MAN1A1: variants seen among roughly 807,000 people sequenced by gnomAD.
The protein encoded by MAN1A1 is mannosyl-oligosaccharide 1,2-alpha-mannosidase IA.
In MAN1A1, 29 loss-of-function variants were observed where a neutral mutation model predicts 70.8. The ratio of observed to expected loss-of-function variants is 0.41; its 90% CI spans 0.31 to 0.56. The LOEUF is 0.56. Ranked by LOEUF, MAN1A1 falls within the 20% of genes least tolerant of loss-of-function variation. The pLI, the probability that MAN1A1 is intolerant of heterozygous loss-of-function variation, is 0.29. For synonymous variants in MAN1A1, 349 were observed against 330.1 expected, an observed-to-expected ratio of 1.06 and a Z score of -0.62; for missense variants, 747 against 841.3, an observed-to-expected ratio of 0.89 and a Z score of 1.39.
intron 2 of MAN1A1, among the ~76,000 whole-genome samples, chr6:119,342,695 G>A (rs1773628944): frequency 6.6e-6 from 1 of 152,136 alleles, no homozygotes; most frequent in African/African-American, 2.4e-5. Flanking sequence ...ACCTACTTGG[G>A]TGGAGAGAAT....
chr6:119,328,974 C>T (rs115660370), intron 2 of MAN1A1, among the ~76,000 whole-genome samples: 93 of 152,268 alleles, frequency 6.1e-4, no homozygotes, highest in African/African-American at 2.2e-3. Flanking sequence ...AGGCCCACAA[C>T]AGAGAAATTT....
At chr6:119,225,632 A>C (rs963167029) in intron 6 of MAN1A1, among the ~76,000 whole-genome samples, 1 of 152,218 alleles carries the variant, frequency 6.6e-6, no homozygotes, top group Non-Finnish European at 1.5e-5. Context: ...AAAATCTTGA[A>C]AGTACCCAGA....
At chr6:119,294,021 T>C (rs1436514107) in intron 4 of MAN1A1, among the ~76,000 whole-genome samples, 3 of 152,074 alleles carry the variant, frequency 2.0e-5, no homozygotes, top group Non-Finnish European at 2.9e-5. Flanking sequence ...ACTACCACTG[T>C]GCAGCTCAGC....
intron 2 of MAN1A1, among the ~76,000 whole-genome samples, chr6:119,348,135 T>C (rs967507788): frequency 6.6e-6 from 1 of 152,162 alleles, no homozygotes; most frequent in South Asian, 2.1e-4. Flanking sequence ...CTGTTACTGG[T>C]GGGGCGATTA....
Position 119,277,053 on chromosome 6 carries a change from G to A in MAN1A1, c.897+13630C>T, listed in dbSNP as rs114756534. On this transcript the variant is annotated intron_variant, in intron 5 of 12. Transcript: ENST00000368468. The stretch of plus-strand genomic sequence containing the variant: ...CTATTTGTACTACTTCAGAGGAATC[G>A]GATACTTCAAATTATTATAAAATAA... Among the ~76,000 whole-genome samples, 1,017 of 152,170 alleles carry A rather than the reference G, an allele frequency of 6.7e-3. 9 individuals are homozygous for A. Among genetic ancestry groups the A allele is most frequent in the African/African-American group, 0.023 (952 of 41,518 alleles).
At chr6:119,267,115 G>A (rs747586534) in intron 5 of MAN1A1, among the ~76,000 whole-genome samples, 3 of 152,192 alleles carry the variant, frequency 2.0e-5, no homozygotes, top group Non-Finnish European at 2.9e-5. Context: ...GTGAAACAAC[G>A]GGAACTTTCA....
At chr6:119,278,200 C>T (rs1304094838) in intron 5 of MAN1A1, among the ~76,000 whole-genome samples, 2 of 151,288 alleles carry the variant, frequency 1.3e-5, no homozygotes, top group Non-Finnish European at 3.0e-5. Flanking sequence ...AAATTCACAG[C>T]ACCACAATCA....
intron 5 of MAN1A1, among the ~76,000 whole-genome samples, chr6:119,274,313 C>T (rs1775997562): frequency 6.6e-6 from 1 of 152,086 alleles, no homozygotes; most frequent in Non-Finnish European, 1.5e-5. Flanking sequence ...ATATAAAGAG[C>T]ACTGGAGTCC....
chr6:119,216,867 G>C (rs1423108942), intron 6 of MAN1A1, among the ~76,000 whole-genome samples: 1 of 152,158 alleles, frequency 6.6e-6, no homozygotes, highest in East Asian at 1.9e-4. Flanking sequence ...TACTGTGTTT[G>C]CTGAAAACAG....
intron 7 of MAN1A1, among the ~76,000 whole-genome samples, chr6:119,203,445 AGAG>A (rs1296398887): frequency 2.0e-5 from 3 of 152,016 alleles, no homozygotes; most frequent in African/African-American, 7.2e-5. Context: ...GTCAGCAGGT[AGAG>A]GAGAGGAGAG....
chr6:119,323,469 G>T lies in MAN1A1; in HGVS notation c.604-16477C>A, dbSNP rs570880839. Among the ~76,000 whole-genome samples, 5 of 152,158 alleles carry T rather than the reference G, an allele frequency of 3.3e-5. No individual in the cohort carries two copies. The South Asian group carries it at 1.0e-3, about 32-fold the overall frequency. ...ATTGTATCATGTAATCAATTATCAAGTATTTTTAGCACTTAGTTGATGCCC... is the reference window on the plus strand; with the variant it reads ...ATTGTATCATGTAATCAATTATCAATTATTTTTAGCACTTAGTTGATGCCC... On this transcript the variant is annotated intron_variant, in intron 2 of 12. Coordinates refer to ENST00000368468, the MANE Select transcript of MAN1A1 (RefSeq NM_005907.4).
chr6:119,183,614 G>T (rs1418425696), intron 11 of MAN1A1, among the ~76,000 whole-genome samples: 1 of 151,946 alleles, frequency 6.6e-6, no homozygotes, highest in Non-Finnish European at 1.5e-5. Context: ...CTAATGAGAG[G>T]GCCAGCCATG....
chr6:119,271,794 A>C (rs1340757355), intron 5 of MAN1A1, among the ~76,000 whole-genome samples: 1 of 151,882 alleles, frequency 6.6e-6, no homozygotes, highest in African/African-American at 2.4e-5. Flanking sequence ...ATGAGCCACC[A>C]CGCCCAGCCA....
chr6:119,281,045 A>C (rs1009127199), intron 5 of MAN1A1, among the ~76,000 whole-genome samples: 2 of 152,226 alleles, frequency 1.3e-5, no homozygotes, highest in Non-Finnish European at 2.9e-5. Context: ...CTGTCTGTCA[A>C]CTTTACTGTT....
Position 119,349,542 on chromosome 6 carries a change from C to A in MAN1A1, c.-223G>T. The A allele has an allele frequency of 1.2e-5, 12 of 986,358 alleles. No homozygotes were observed. Among genetic ancestry groups the A allele is most frequent in the Non-Finnish European group, 1.4e-5 (12 of 830,372 alleles). 61.1% of individuals were successfully genotyped at this position (986,358 alleles called of 1,614,324 possible). ...AGCACCTCGGGGAGGGGCAGCGCAC[C>A]TCTGGGCAGGAGGGGCGCAGCGTGG... On this transcript the variant is annotated splice_region_variant and 5_prime_UTR_variant, in exon 1 of 13. In the 5' UTR this introduces an upstream ATG that the reference lacks. Transcript: ENST00000368468.
chr6:119,202,299 C>G (rs1051425551), intron 7 of MAN1A1, among the ~76,000 whole-genome samples: 11 of 152,004 alleles, frequency 7.2e-5, no homozygotes, highest in African/African-American at 2.7e-4. Context: ...GACACATATA[C>G]ACATTAGCTT....
At chr6:119,297,150 G>T (rs1772237488) in intron 4 of MAN1A1, among the ~76,000 whole-genome samples, 1 of 152,134 alleles carries the variant, frequency 6.6e-6, no homozygotes, top group Non-Finnish European at 1.5e-5. Context: ...TTGATCATTT[G>T]TTCTTATGCA....
At chr6:119,341,943 C>T (rs909913757) in intron 2 of MAN1A1, among the ~76,000 whole-genome samples, 7 of 151,888 alleles carry the variant, frequency 4.6e-5, no homozygotes, top group Admixed American at 2.0e-4. Context: ...TAGTGAGACC[C>T]GATCTGCATT....
chr6:119,201,335 G>A lies in MAN1A1; in HGVS notation c.1129C>T (p.Arg377Ter), dbSNP rs756590673. Residue 377 changes from arginine to a stop codon, truncating the protein, a stop_gained, in exon 8 of 13, where the codon CGA becomes TGA. Coordinates refer to ENST00000368468, the MANE Select transcript of MAN1A1 (RefSeq NM_005907.4). LOFTEE classifies it high-confidence loss of function. ...PIFAEKVMNI[R>*]TVLNKLEKPQ... The stretch of plus-strand genomic sequence containing the variant: ...TTTTCCAGTTTGTTCAGTACTGTTC[G>A]AATATTCATTACCTATAATAGAAAA... 11 of 1,606,362 alleles carry A rather than the reference G, an allele frequency of 6.8e-6. No individual in the cohort carries two copies. Among genetic ancestry groups the A allele is most frequent in the African/African-American group, 1.3e-5 (1 of 74,674 alleles).
Sources: gnomAD v4.1 joint callset for allele counts (sites outside exome capture counted in the v4.1 genomes callset) on GRCh38, gnomAD v4.1.1 for gene constraint, MANE v1.5 for transcripts, NCBI Gene and HGNC (gene_info 2026-07-23, HGNC 2026-07-21) for gene names.